TENM4: variants seen among roughly 807,000 people sequenced by gnomAD.
The protein encoded by TENM4 is teneurin transmembrane protein 4.
Under a neutral mutation model 243.3 loss-of-function variants are expected in TENM4, and 82 were observed. The ratio of observed to expected loss-of-function variants is 0.34; its 90% CI spans 0.28 to 0.40. The LOEUF is 0.40. Among genes scored for constraint, TENM4 ranks in the 10% least tolerant of loss-of-function variants. The pLI is 1.00. For synonymous variants in TENM4, 1,412 were observed against 1,456.3 expected (o/e 0.97, Z 0.69); for missense variants, 3,138 against 3,673.3 (o/e 0.85, Z 3.77).
At chr11:78,665,237 TTCTC>T (rs917168052) in intron 32 of TENM4, among the ~76,000 whole-genome samples, 5 of 151,946 alleles carry the variant, frequency 3.3e-5, no homozygotes, top group East Asian at 1.9e-4. Context: ...TTTCTTTTCT[TTCTC>T]TCTTTCTTTT....
intron 19 of TENM4, among the ~76,000 whole-genome samples, chr11:78,750,951 C>T (rs985013830): frequency 5.9e-5 from 9 of 152,028 alleles, no homozygotes; most frequent in African/African-American, 2.2e-4. Flanking sequence ...GTGATCTCTG[C>T]TCTCTGCAAC....
chr11:78,950,040 C>A (rs1177297022), intron 6 of TENM4, among the ~76,000 whole-genome samples: 1 of 151,922 alleles, frequency 6.6e-6, no homozygotes, highest in Non-Finnish European at 1.5e-5. Flanking sequence ...GCAGAGGCCT[C>A]CTGTGTTCTG....
intron 3 of TENM4, among the ~76,000 whole-genome samples, chr11:79,206,585 C>T (rs1863853250): frequency 6.6e-6 from 1 of 152,032 alleles, no homozygotes; most frequent in Non-Finnish European, 1.5e-5. Context: ...TGGGAGGGAC[C>T]CAGGGGGAAG....
intron 4 of TENM4, among the ~76,000 whole-genome samples, chr11:79,105,203 T>C (rs1861337253): frequency 6.6e-6 from 1 of 152,212 alleles, no homozygotes; most frequent in Admixed American, 6.5e-5. Context: ...GTAAAACAAA[T>C]GAATATAATT....
chr11:79,274,931 C>T (rs867263890), intron 2 of TENM4, among the ~76,000 whole-genome samples: 5 of 152,138 alleles, frequency 3.3e-5, no homozygotes, highest in Non-Finnish European at 7.3e-5. Flanking sequence ...GTTGGGAATG[C>T]TCAGTGGCTC....
intron 28 of TENM4, among the ~76,000 whole-genome samples, chr11:78,694,376 G>A (rs562169591): frequency 6.6e-6 from 1 of 152,204 alleles, no homozygotes; most frequent in East Asian, 1.9e-4. Flanking sequence ...ATGTCATCAC[G>A]ACATCATTAG....
rs566960517 is a variant in TENM4 at position 78,726,215 on chromosome 11, C to T, written c.3414G>A (p.Val1138=). 7.4e-6 allele frequency: 12 copies of T among 1,613,632 alleles called. No homozygotes were observed. In the African/African-American group the frequency reaches 9.3e-5, roughly 13 times the overall value. The change falls in exon 23 of 34, where the codon GTG becomes GTA. Residue 1138 remains valine (V), a synonymous_variant. Coordinates refer to ENST00000278550, the MANE Select transcript of TENM4 (RefSeq NM_001098816.3). Reference sequence around the variant, plus strand: ...CTGGGCAGGATTCATATTCATAACCCACGGAAACTGTAGGTGACAGAATGA... The same window carrying T: ...CTGGGCAGGATTCATATTCATAACCTACGGAAACTGTAGGTGACAGAATGA... ...VFGLSEAFVS[V]GYEYESCPDL...
intron 1 of TENM4, among the ~76,000 whole-genome samples, chr11:79,390,654 T>C (rs963837330): frequency 1.3e-4 from 20 of 152,118 alleles, no homozygotes; most frequent in African/African-American, 4.8e-4. Context: ...AACCTAGAGA[T>C]CGGTCTGGCT....
At chr11:78,748,442 T>G (rs1289127584) in intron 19 of TENM4, among the ~76,000 whole-genome samples, 5 of 152,058 alleles carry the variant, frequency 3.3e-5, no homozygotes, top group African/African-American at 1.2e-4. Context: ...TGCACATGGG[T>G]TTTTTATGAT....
chr11:79,370,838 C>T (rs75863428), intron 1 of TENM4, among the ~76,000 whole-genome samples: 11,348 of 111,686 alleles, frequency 0.1, 543 homozygotes, highest in Middle Eastern at 0.2. Flanking sequence ...CCAGAATTAA[C>T]GTTTTTGCTT....
chr11:79,269,306 G>C (rs186417405), intron 2 of TENM4, among the ~76,000 whole-genome samples: 2 of 152,270 alleles, frequency 1.3e-5, no homozygotes, highest in African/African-American at 4.8e-5. Context: ...GTTTTATTCT[G>C]TTTGTATTAT....
intron 1 of TENM4, among the ~76,000 whole-genome samples, chr11:79,403,340 T>G (rs149634515): frequency 1.3e-5 from 2 of 152,308 alleles, no homozygotes; most frequent in Non-Finnish European, 2.9e-5. Context: ...TCAGTTACAT[T>G]TATACAGCAC....
chr11:79,052,520 T>G (rs1249601586), intron 6 of TENM4, among the ~76,000 whole-genome samples: 2 of 152,228 alleles, frequency 1.3e-5, no homozygotes, highest in African/African-American at 4.8e-5. Flanking sequence ...GTAATGCATG[T>G]GCACTATCTG....
intron 3 of TENM4, among the ~76,000 whole-genome samples, chr11:79,167,928 A>C (rs1228266070): frequency 6.6e-6 from 1 of 152,156 alleles, no homozygotes; most frequent in Non-Finnish European, 1.5e-5. Context: ...GCACAGCCTG[A>C]CTCTGGTTTG....
At chr11:78,702,888 G>A (rs1160028022) in intron 27 of TENM4, among the ~76,000 whole-genome samples, 2 of 152,164 alleles carry the variant, frequency 1.3e-5, no homozygotes, top group African/African-American at 4.8e-5. Flanking sequence ...TGAAGTAGGA[G>A]TTGTTCAGAG....
chr11:78,941,878 G>A (rs963261933), intron 6 of TENM4, among the ~76,000 whole-genome samples: 8 of 152,100 alleles, frequency 5.3e-5, no homozygotes, highest in African/African-American at 1.9e-4. Context: ...CCTACTGTGT[G>A]CCAGGCACTT....
intron 1 of TENM4, among the ~76,000 whole-genome samples, chr11:79,331,549 G>T (rs937170696): frequency 2.0e-5 from 3 of 152,150 alleles, no homozygotes; most frequent in Non-Finnish European, 4.4e-5. Context: ...GCATGCCCAT[G>T]CTCCCCAACA....
At chr11:78,787,812 T>C (rs575481295) in intron 15 of TENM4, among the ~76,000 whole-genome samples, 185 of 152,324 alleles carry the variant, frequency 1.2e-3, no homozygotes, top group Non-Finnish European at 2.5e-3. Flanking sequence ...AGAGTGGAGC[T>C]GCCCACCCTT....
At position 79,098,328 on chromosome 11, in the gene TENM4, A is replaced by G. The variant is rs529319029; in HGVS notation, c.-65-28319T>C. Among the ~76,000 whole-genome samples, 47 of 151,620 alleles carry G rather than the reference A, an allele frequency of 3.1e-4. 1 individual carries two copies. The South Asian group carries it at 9.8e-3, about 32-fold the overall frequency. Reference sequence around the variant, plus strand: ...CTTCCCTTCTCAAAGCCAAACAGCTAGCTCTGCCCCCAGGGCCCTTCTCCT... The same window carrying G: ...CTTCCCTTCTCAAAGCCAAACAGCTGGCTCTGCCCCCAGGGCCCTTCTCCT... On this transcript the variant is annotated intron_variant, in intron 4 of 33. Transcript: ENST00000278550.
Sources: gnomAD v4.1 joint callset for allele counts (sites outside exome capture counted in the v4.1 genomes callset) on GRCh38, gnomAD v4.1.1 for gene constraint, MANE v1.5 for transcripts, NCBI Gene and HGNC (gene_info 2026-07-23, HGNC 2026-07-21) for gene names.